SGK1: variants seen among roughly 807,000 people sequenced by gnomAD.
The protein encoded by SGK1 is serine/threonine-protein kinase Sgk1.
A neutral mutation model predicts 64.2 loss-of-function variants in SGK1; 26 were observed. That is an observed-to-expected ratio of 0.40 (90% CI 0.30 to 0.56). The LOEUF is 0.56. Among genes scored for constraint, SGK1 ranks in the 20% least tolerant of loss-of-function variants. SGK1 has a pLI of 0.38. For missense variants in SGK1, 519 were observed against 645.6 expected, an observed-to-expected ratio of 0.80 and a Z score of 2.12; for synonymous variants, 265 against 239.7, an observed-to-expected ratio of 1.11 and a Z score of -0.98.
intron 7 of SGK1, 44 bp from the exon 8 acceptor site, chr6:134,173,198 G>A: frequency 6.2e-7 from 1 of 1,609,704 alleles, no homozygotes; most frequent in Admixed American, 1.7e-5. Context: ...TTTCAACTTG[G>A]CACCAACATT....
intron 1 of SGK1, among the ~76,000 whole-genome samples, chr6:134,312,387 G>A (rs781534396): frequency 1.3e-5 from 2 of 152,166 alleles, no homozygotes; most frequent in Non-Finnish European, 2.9e-5. Context: ...AAATGTAAAG[G>A]GATGCTGTTT....
At chr6:134,177,928 G>A (rs1775274242) in intron 3 of SGK1, 2 of 1,190,002 alleles carry the variant, frequency 1.7e-6, no homozygotes, top group Admixed American at 2.7e-5. Context: ...TCAACACTGG[G>A]CCATTTATTC....
chr6:134,177,714 G>T lies in SGK1; in HGVS notation c.362-3128C>A, dbSNP rs779687069. 5.6e-6 allele frequency: 9 copies of T among 1,613,852 alleles called. No individual in the cohort carries two copies. In the African/African-American group the frequency reaches 1.2e-4, roughly 22 times the overall value. On this transcript the variant is annotated intron_variant, in intron 3 of 13. Coordinates refer to ENST00000367858, the MANE Select transcript of SGK1 (RefSeq NM_001143676.3). Reference sequence around the variant, plus strand: ...TCTTTCATTCTTCGGGTTGCCCAAGGATATGCAGGTTGGGGATTACTTCTG... The same window carrying T: ...TCTTTCATTCTTCGGGTTGCCCAAGTATATGCAGGTTGGGGATTACTTCTG...
rs1417039049 is a variant in SGK1, at chr6:134,304,660, C to T, written c.69+12732G>A. ...AAGGTTAAAGTGAGCAATCATCGCACCACTACTCTCCAGTCTGGGGGACAG... is the reference window on the plus strand; with the variant it reads ...AAGGTTAAAGTGAGCAATCATCGCATCACTACTCTCCAGTCTGGGGGACAG... On this transcript the variant is annotated intron_variant, in intron 1 of 13. Transcript: ENST00000367858. Among the ~76,000 whole-genome samples, 4 of 151,634 alleles carry T rather than the reference C, an allele frequency of 2.6e-5. No individual in the cohort carries two copies. In the South Asian group the frequency reaches 8.3e-4, roughly 32 times the overall value.
At chr6:134,267,575 G>A (rs1776873583) in intron 1 of SGK1, among the ~76,000 whole-genome samples, 1 of 152,034 alleles carries the variant, frequency 6.6e-6, no homozygotes, top group African/African-American at 2.4e-5. Context: ...TTACAGACAT[G>A]AGCCATTACA....
intron 2 of SGK1, among the ~76,000 whole-genome samples, chr6:134,213,404 C>G (rs569714296): frequency 6.6e-6 from 1 of 152,014 alleles, no homozygotes; most frequent in Admixed American, 6.6e-5. Flanking sequence ...ACCTGTAATC[C>G]TAGCTACTCT....
At chr6:134,188,665 T>G (rs540227085) in intron 3 of SGK1, among the ~76,000 whole-genome samples, 1 of 152,204 alleles carries the variant, frequency 6.6e-6, no homozygotes, top group East Asian at 1.9e-4. Flanking sequence ...AACACTAAGA[T>G]TTTTATTTCC....
intron 3 of SGK1, among the ~76,000 whole-genome samples, chr6:134,187,347 A>C (rs951651552): frequency 6.6e-6 from 1 of 152,196 alleles, no homozygotes; most frequent in Admixed American, 6.5e-5. Flanking sequence ...TGCAGATCAT[A>C]AAGTCGTGGG....
chr6:134,297,260 G>T, intron 1 of SGK1: 2 of 1,223,734 alleles, frequency 1.6e-6, no homozygotes, highest in Admixed American at 1.7e-5. Flanking sequence ...TGTAGGTTGC[G>T]ATCTCAATGT....
At chr6:134,199,072 A>G (rs1267009358) in intron 3 of SGK1, among the ~76,000 whole-genome samples, 1 of 152,020 alleles carries the variant, frequency 6.6e-6, no homozygotes, top group East Asian at 1.9e-4. Context: ...TTTTAATGTG[A>G]TGAACTATGA....
At chr6:134,278,249 C>T (rs914510349) in intron 1 of SGK1, among the ~76,000 whole-genome samples, 1 of 152,204 alleles carries the variant, frequency 6.6e-6, no homozygotes, top group South Asian at 2.1e-4. Context: ...CATAACTTTG[C>T]ATTTCTTCCA....
intron 5 of SGK1, chr6:134,173,796 A>G (rs1234168073): frequency 3.4e-6 from 2 of 581,728 alleles, no homozygotes; most frequent in East Asian, 5.8e-5. Flanking sequence ...CTTTTAAAAT[A>G]ACCACTTTGG....
At chr6:134,271,553 G>A (rs151058197) in intron 1 of SGK1, among the ~76,000 whole-genome samples, 36 of 147,628 alleles carry the variant, frequency 2.4e-4, no homozygotes, top group African/African-American at 8.5e-4. Context: ...AATCCACTGA[G>A]CTTTGGAAAC....
chr6:134,297,276 G>T, intron 1 of SGK1: 1 of 1,266,110 alleles, frequency 7.9e-7, no homozygotes, highest in South Asian at 1.2e-5. Flanking sequence ...AATGTCCAGG[G>T]CCAGCTTGAC....
At chr6:134,267,251 T>A (rs1055956389) in intron 1 of SGK1, among the ~76,000 whole-genome samples, 1 of 152,078 alleles carries the variant, frequency 6.6e-6, no homozygotes, top group Non-Finnish European at 1.5e-5. Context: ...TTCTTTTTTT[T>A]AATATGTTAC....
chr6:134,198,870 A>T lies in SGK1; in HGVS notation c.361+8486T>A, dbSNP rs1053901144. Among the ~76,000 whole-genome samples, 4 of 151,068 alleles carry T rather than the reference A, an allele frequency of 2.6e-5. No homozygotes were observed. In the Admixed American group the frequency reaches 2.7e-4, roughly 10 times the overall value. ...TCCCCAGAAATTTGAGCTAATTTTT[A>T]TTTATTTATTTATTCTTGTATTTAC... On this transcript the variant is annotated intron_variant, in intron 3 of 13. Coordinates refer to ENST00000367858, the MANE Select transcript of SGK1 (RefSeq NM_001143676.3).
At chr6:134,309,168 A>G (rs1345284132) in intron 1 of SGK1, among the ~76,000 whole-genome samples, 1 of 152,234 alleles carries the variant, frequency 6.6e-6, no homozygotes, top group African/African-American at 2.4e-5. Flanking sequence ...AGATTCCTCT[A>G]CTGCTCTAGT....
chr6:134,215,409 C>A (rs1775963350), intron 2 of SGK1, among the ~76,000 whole-genome samples: 1 of 151,482 alleles, frequency 6.6e-6, no homozygotes, highest in Non-Finnish European at 1.5e-5. Context: ...AGCCACGGCG[C>A]CTGGCCGAGA....
At chr6:134,274,965 C>T in intron 1 of SGK1, among the ~76,000 whole-genome samples, 1 of 152,046 alleles carries the variant, frequency 6.6e-6, no homozygotes, top group East Asian at 1.9e-4. Context: ...CCACCATGCC[C>T]TGCTAATTTT....
Sources: allele counts gnomAD v4.1 joint callset (sites outside exome capture counted in the v4.1 genomes callset), GRCh38; gene constraint gnomAD v4.1.1; transcripts MANE v1.5; gene names NCBI Gene and HGNC (gene_info 2026-07-23, HGNC 2026-07-21).